COL1A1: variants seen among roughly 807,000 people sequenced by gnomAD.
COL1A1 encodes collagen alpha-1(I) chain.
In COL1A1, 21 loss-of-function variants were observed where a neutral mutation model predicts 195.7. The ratio of observed to expected loss-of-function variants is 0.11; its 90% CI spans 0.08 to 0.15. COL1A1 has a LOEUF of 0.15. COL1A1 is among the 10% of genes least tolerant of loss of function. The pLI, the probability that COL1A1 is intolerant of heterozygous loss-of-function variation, is 1.00. For synonymous variants in COL1A1, 749 were observed against 747.3 expected, an observed-to-expected ratio of 1.00 and a Z score of -0.04; for missense variants, 1,365 against 2,051.0, an observed-to-expected ratio of 0.67 and a Z score of 6.46.
rs56302025 is a variant in COL1A1 at position 50,185,257 on chromosome 17, C to CTTT, written c.*242_*244dup. The CTTT allele has an allele frequency of 0.033, 6,323 of 191,564 alleles. 597 individuals carry two copies. Among genetic ancestry groups the CTTT allele is most frequent in the East Asian group, 0.046 (538 of 11,686 alleles). 11.9% of individuals were successfully genotyped at this position (191,564 alleles called of 1,614,324 possible). A position where few individuals can be genotyped will look rare whatever the true frequency, so the allele number is the denominator to read the frequency against. On this transcript the variant is annotated 3_prime_UTR_variant, in exon 51 of 51. Transcript: ENST00000225964. ...TTTTTTAAAAAGTTATTTATTTATT[C>CTTT]TTTTTTTTTTTTTTTTTTTGGTAAG...
At chr17:50,199,726 GGCCCC>G in intron 2 of COL1A1, 22 bp downstream of exon 2, 1 of 715,480 alleles carries the variant, frequency 1.4e-6, no homozygotes, top group Non-Finnish European at 2.1e-6. Flanking sequence ...CCAGGCCCCA[GGCCCC>G]AGGCCCCGAG....
intron 25 of COL1A1, 187 bp downstream of exon 25, chr17:50,193,756 C>T (rs1000616928): frequency 4.6e-6 from 3 of 648,022 alleles, no homozygotes; most frequent in East Asian, 2.9e-5. Context: ...GCTGGGATTA[C>T]AGGCATGAGC....
chr17:50,187,078 G>A lies in COL1A1; in HGVS notation c.3468C>T (p.Asn1156=), dbSNP rs149980662. Residue 1156 remains asparagine, a synonymous_variant, in exon 47 of 51, where the codon AAC becomes AAT. Coordinates refer to ENST00000225964, the MANE Select transcript of COL1A1 (RefSeq NM_000088.4). ...SAGAPGKDGL[N]GLPGPIGPPG... ...GGGGCCCAATGGGGCCAGGGAGACC[G>A]TTGAGTCCATCTTTGCCAGGAGCAC... 3.3e-5 allele frequency: 53 copies of A among 1,613,200 alleles called. No homozygotes were observed. The highest frequency in any genetic ancestry group is 1.6e-4 in the Middle Eastern group (1 of 6,084).
In COL1A1 at chr17:50,188,353, G is replaced by C. The variant is rs1338382580; in HGVS notation, c.3207+177C>G. ...ATGGGAGAGGCGGTCCTGTCTGGGAGAGGGGACTTGGGGCTGAGCTTTAAC... is the reference window on the plus strand; with the variant it reads ...ATGGGAGAGGCGGTCCTGTCTGGGACAGGGGACTTGGGGCTGAGCTTTAAC... On this transcript the variant is annotated intron_variant, in intron 43 of 50. Transcript: ENST00000225964. The surrounding 1 kb of genome is among the most constrained non-coding windows in gnomAD (Gnocchi z 5.6). 5 of 814,816 alleles carry C rather than the reference G, an allele frequency of 6.1e-6. No individual in the cohort carries two copies. The highest frequency in any genetic ancestry group is 7.8e-6 in the Non-Finnish European group (4 of 513,138). 50.5% of individuals were successfully genotyped at this position (814,816 alleles called of 1,614,324 possible). A position where few individuals can be genotyped will look rare whatever the true frequency, so the allele number is the denominator to read the frequency against.
chr17:50,186,726 T>C lies in COL1A1; in HGVS notation c.3728A>G (p.Glu1243Gly). 6.2e-7 allele frequency: 1 copy of C among 1,613,858 alleles called. No homozygotes were observed. Among genetic ancestry groups the C allele is most frequent in the Non-Finnish European group, 8.5e-7 (1 of 1,180,048 alleles). Residue 1243 changes from glutamate (E) to glycine (G), a missense_variant, in exon 48 of 51, where the codon GAG (glutamate) becomes GGG (glycine). Coordinates refer to ENST00000225964, the MANE Select transcript of COL1A1 (RefSeq NM_000088.4). The surrounding 1 kb of genome is among the most constrained non-coding windows in gnomAD (Gnocchi z 5.3). ...TTLKSLSQQIENIRSPEGSRK... is the reference protein window; with the variant it reads ...TTLKSLSQQIGNIRSPEGSRK... ...GCTGCCCTCTGGGCTCCGGATGTTC[T>C]CGATCTGCTGGCTCAGGCTCTTGAG...
Position 50,184,481 on chromosome 17 carries a change from A to T in COL1A1, c.*1021T>A. ...ATTCACAAGTCCCCATCCACAAAAAAAAAAAAAAAAAAAGAAAAATATCAA... is the reference window on the plus strand; with the variant it reads ...ATTCACAAGTCCCCATCCACAAAAATAAAAAAAAAAAAAGAAAAATATCAA... On this transcript the variant is annotated 3_prime_UTR_variant, in exon 51 of 51. Transcript: ENST00000225964. 4.4e-6 allele frequency: 1 copy of T among 226,530 alleles called. No homozygotes were observed. The highest frequency in any genetic ancestry group is 6.2e-5 in the East Asian group (1 of 16,056). The allele number at this position is 226,530 out of a possible 1,614,324, so 14.0% of individuals were successfully genotyped here. A position where few individuals can be genotyped will look rare whatever the true frequency, so the allele number is the denominator to read the frequency against.
In COL1A1 at chr17:50,192,095, T is replaced by C. The variant is rs918253020; in HGVS notation, c.1984-71A>G. The C allele has an allele frequency of 2.6e-5, 39 of 1,522,098 alleles. No homozygotes were observed. In the Admixed American group the frequency reaches 6.8e-4, roughly 27 times the overall value. 94.3% of individuals were successfully genotyped at this position (1,522,098 alleles called of 1,614,324 possible). A position where few individuals can be genotyped will look rare whatever the true frequency, so the allele number is the denominator to read the frequency against. The stretch of plus-strand genomic sequence containing the variant: ...GGGGCCACTCTGCTGGAAAGCACGG[T>C]CCTTCCTCCTGGGGTCTGGCCGTGA... On this transcript the variant is annotated intron_variant, in intron 29 of 50. Coordinates refer to ENST00000225964, the MANE Select transcript of COL1A1 (RefSeq NM_000088.4).
At chr17:50,187,376 C>A (rs1439373635) in intron 46 of COL1A1, 108 bp downstream of exon 46, 92 of 1,154,510 alleles carry the variant, frequency 8.0e-5, no homozygotes, top group Non-Finnish European at 1.3e-6. Context: ...ACTCCCTGTC[C>A]CTGAACCCTT....
chr17:50,200,031 C>T, intron 1 of COL1A1, 84 bp from the exon 2 acceptor site: 1 of 1,448,292 alleles, frequency 6.9e-7, no homozygotes, highest in Non-Finnish European at 9.7e-7. Flanking sequence ...AAGAGGCACA[C>T]TTGGATTTTT....
rs752657162 is a variant in COL1A1, at chr17:50,194,209, G to T, written c.1615-26C>A. On this transcript the variant is annotated intron_variant, in intron 23 of 50. Transcript: ENST00000225964. The surrounding 1 kb of genome is among the most constrained non-coding windows in gnomAD (Gnocchi z 6.8). ...CTAGGGAGGCAGAGAGGTATGAGTG[G>T]GACTTGGGGAGAAGCATGATGGAGG... is the stretch of plus-strand genomic sequence containing the variant. 1.3e-5 allele frequency: 21 copies of T among 1,612,460 alleles called. No homozygotes were observed. The highest frequency in any genetic ancestry group is 8.3e-5 in the Admixed American group (5 of 60,008).
chr17:50,184,788 G>A lies in COL1A1; in HGVS notation c.*714C>T, dbSNP rs567392981. On this transcript the variant is annotated 3_prime_UTR_variant, in exon 51 of 51. Coordinates refer to ENST00000225964, the MANE Select transcript of COL1A1 (RefSeq NM_000088.4). ...GCCCTGCGGCACAAGGGATTGACAC[G>A]CGTTCCCCAAATCCGATGTTTCTGC... 1.3e-4 allele frequency: 29 copies of A among 230,524 alleles called. No homozygotes were observed. The highest frequency in any genetic ancestry group is 2.3e-4 in the Non-Finnish European group (27 of 117,022). The allele number at this position is 230,524 out of a possible 1,614,324, so 14.3% of individuals were successfully genotyped here. A position where few individuals can be genotyped will look rare whatever the true frequency, so the allele number is the denominator to read the frequency against.
Position 50,188,189 on chromosome 17 carries a change from A to G in COL1A1, c.3208-40T>C. The G allele has an allele frequency of 4.0e-6, 6 of 1,517,544 alleles. No individual in the cohort carries two copies. Among genetic ancestry groups the G allele is most frequent in the Non-Finnish European group, 5.3e-6 (6 of 1,124,936 alleles). 94.0% of individuals were successfully genotyped at this position (1,517,544 alleles called of 1,614,324 possible). ...GAAAGCATGAGCTCTTGGCCAGGGA[A>G]GGCTGAGGCTGGGGCTGCAGGATGA... On this transcript the variant is annotated intron_variant, in intron 43 of 50. Transcript: ENST00000225964. The surrounding 1 kb of genome is among the most constrained non-coding windows in gnomAD (Gnocchi z 5.6).
intron 32 of COL1A1, among the ~76,000 whole-genome samples, chr17:50,191,126 G>A (rs1438026645): frequency 6.6e-6 from 1 of 152,120 alleles, no homozygotes; most frequent in Non-Finnish European, 1.5e-5. Context: ...CCCCTGACTT[G>A]TGTAGCGGGA....
rs1405744218 is a variant in COL1A1 at position 50,184,775 on chromosome 17, A to C, written c.*727T>G. 1.3e-5 allele frequency: 3 copies of C among 231,760 alleles called. No individual in the cohort carries two copies. The highest frequency in any genetic ancestry group is 6.6e-5 in the African/African-American group (3 of 45,182). 14.4% of individuals were successfully genotyped at this position (231,760 alleles called of 1,614,324 possible). A position where few individuals can be genotyped will look rare whatever the true frequency, so the allele number is the denominator to read the frequency against. On this transcript the variant is annotated 3_prime_UTR_variant, in exon 51 of 51. Coordinates refer to ENST00000225964, the MANE Select transcript of COL1A1 (RefSeq NM_000088.4). ...TCTCTCCCGCCCAGCCCTGCGGCACAAGGGATTGACACGCGTTCCCCAAAT... is the reference window on the plus strand; with the variant it reads ...TCTCTCCCGCCCAGCCCTGCGGCACCAGGGATTGACACGCGTTCCCCAAAT...
rs887013261 is a variant in COL1A1 at position 50,199,003 on chromosome 17, T to C, written c.471+223A>G. ...TATTTAGGCGCAAAAGAGCCTGATG[T>C]TAGCAACTTGCTCAAACAGTTCAGA... On this transcript the variant is annotated intron_variant, in intron 5 of 50. Coordinates refer to ENST00000225964, the MANE Select transcript of COL1A1 (RefSeq NM_000088.4). 3.3e-5 allele frequency among the ~76,000 whole-genome samples: 5 copies of C among 152,214 alleles called. 1 individual carries two copies. The highest frequency in any genetic ancestry group is 4.1e-4 in the South Asian group (2 of 4,830).
rs1906949419 is a variant in COL1A1 at position 50,190,143 on chromosome 17, G to T, written c.2452-35C>A. The T allele has an allele frequency of 6.4e-6, 10 of 1,572,360 alleles. No homozygotes were observed. Among genetic ancestry groups the T allele is most frequent in the South Asian group, 1.1e-5 (1 of 90,304 alleles). ...GAAGCAGGGCGGTGAATGGAGGGAA[G>T]GAGGCAGGAGTTTCCACTACCTGGG... On this transcript the variant is annotated intron_variant, in intron 35 of 50. Transcript: ENST00000225964. The surrounding 1 kb of genome is among the most constrained non-coding windows in gnomAD (Gnocchi z 4.7).
Position 50,186,675 on chromosome 17 carries a change from C to T in COL1A1, c.3779G>A (p.Arg1260His), listed in dbSNP as rs774001209. 27 of 1,613,568 alleles carry T rather than the reference C, an allele frequency of 1.7e-5. No individual in the cohort carries two copies. In the African/African-American group the frequency reaches 1.9e-4, roughly 11 times the overall value. Residue 1260 changes from arginine to histidine, a missense_variant, in exon 48 of 51, where the codon CGT becomes CAT. Around this residue, in one of 5 missense-constraint regions of COL1A1, gnomAD observed 273 missense variants for 338.6 expected, o/e 0.81. Transcript: ENST00000225964. The surrounding 1 kb of genome is among the most constrained non-coding windows in gnomAD (Gnocchi z 5.3). Reference protein sequence around the residue: ...GSRKNPARTCRDLKMCHSDWK... With the variant: ...GSRKNPARTCHDLKMCHSDWK... Reference sequence around the variant, plus strand: ...GTCAGAGTGGCACATCTTGAGGTCACGGCAGGTGCGGGCGGGGTTCTTGCG... The same window carrying T: ...GTCAGAGTGGCACATCTTGAGGTCATGGCAGGTGCGGGCGGGGTTCTTGCG...
chr17:50,199,540 G>T lies in COL1A1; in HGVS notation c.333+16C>A. 1.2e-5 allele frequency: 20 copies of T among 1,614,206 alleles called. No homozygotes were observed. The highest frequency in any genetic ancestry group is 1.7e-5 in the Non-Finnish European group (20 of 1,180,020). On this transcript the variant is annotated intron_variant, in intron 3 of 50. Coordinates refer to ENST00000225964, the MANE Select transcript of COL1A1 (RefSeq NM_000088.4). ...CACGGGCCGCGCAGGGGCAAAATTCGAGGGCAGGAGATTACCTCGACGCCG... is the reference window on the plus strand; with the variant it reads ...CACGGGCCGCGCAGGGGCAAAATTCTAGGGCAGGAGATTACCTCGACGCCG...
At position 50,185,257 on chromosome 17, in the gene COL1A1, CTTTTTT is replaced by C. The variant is rs56302025; in HGVS notation, c.*239_*244del. On this transcript the variant is annotated 3_prime_UTR_variant, in exon 51 of 51. Transcript: ENST00000225964. The stretch of plus-strand genomic sequence containing the variant: ...TTTTTTAAAAAGTTATTTATTTATT[CTTTTTT>C]TTTTTTTTTTTTTGGTAAGGTTGAA... 1.4e-4 allele frequency: 27 copies of C among 192,534 alleles called. No homozygotes were observed. The highest frequency in any genetic ancestry group is 6.3e-4 in the African/African-American group (19 of 30,134). 11.9% of individuals were successfully genotyped at this position (192,534 alleles called of 1,614,324 possible).
Sources: gnomAD v4.1 joint callset for allele counts (sites outside exome capture counted in the v4.1 genomes callset) on GRCh38, gnomAD v4.1.1 for gene constraint, gnomAD v4.1.1 regional missense constraint, Gnocchi (gnomAD v3.1) non-coding constraint, MANE v1.5 for transcripts, NCBI Gene and HGNC (gene_info 2026-07-23, HGNC 2026-07-21) for gene names.